The following EFCAB6 variants were observed in gnomAD, a reference collection of about 807,000 sequenced individuals.
The protein encoded by EFCAB6 is EF-hand calcium-binding domain-containing protein 6.
A neutral mutation model predicts 169.8 loss-of-function variants in EFCAB6; 156 were observed. The observed-to-expected ratio is 0.92, with a 90% CI of 0.81 to 1.05. EFCAB6 has a LOEUF of 1.05. EFCAB6 is among the 50% of genes least tolerant of loss of function. The pLI, the probability that EFCAB6 is intolerant of heterozygous loss-of-function variation, is 0.00. For synonymous variants in EFCAB6, 698 were observed against 676.4 expected (o/e 1.03, Z -0.50); for missense variants, 1,800 against 1,829.1 (o/e 0.98, Z 0.29).
At position 43,623,864 on chromosome 22, in the gene EFCAB6, C is replaced by G. The variant is rs1203913765; in HGVS notation, c.2465+2583G>C. Among the ~76,000 whole-genome samples, 6 of 147,566 alleles carry G rather than the reference C, an allele frequency of 4.1e-5. No individual in the cohort carries two copies. In the Middle Eastern group the frequency reaches 0.014, roughly 335 times the overall value. Reference sequence around the variant, plus strand: ...ATGGAGCTTGCAGTGAGCCGAGATTCCGCCACTGTACTCCAGTCTGGGTGA... The same window carrying G: ...ATGGAGCTTGCAGTGAGCCGAGATTGCGCCACTGTACTCCAGTCTGGGTGA... On this transcript the variant is annotated intron_variant, in intron 20 of 31. Coordinates refer to ENST00000262726, the MANE Select transcript of EFCAB6 (RefSeq NM_022785.4).
At chr22:43,686,583 T>G (rs902735561) in intron 11 of EFCAB6, among the ~76,000 whole-genome samples, 7 of 151,894 alleles carry the variant, frequency 4.6e-5, no homozygotes, top group African/African-American at 7.2e-5. Flanking sequence ...CAGAAGTAAC[T>G]TCACATAACG....
intron 17 of EFCAB6, among the ~76,000 whole-genome samples, chr22:43,652,255 A>C (rs1440688381): frequency 6.6e-6 from 1 of 152,174 alleles, no homozygotes; most frequent in African/African-American, 2.4e-5. Flanking sequence ...TGAATAAGTC[A>C]CATGAGATCT....
At chr22:43,590,856 G>T (rs2051455486) in intron 23 of EFCAB6, among the ~76,000 whole-genome samples, 1 of 152,146 alleles carries the variant, frequency 6.6e-6, no homozygotes, top group Non-Finnish European at 1.5e-5. Flanking sequence ...GCTGGGGACT[G>T]GAGAACAGCC....
At chr22:43,776,048 C>T (rs567602802) in intron 3 of EFCAB6, among the ~76,000 whole-genome samples, 2 of 152,332 alleles carry the variant, frequency 1.3e-5, no homozygotes, top group Admixed American at 1.3e-4. Context: ...GGCATTTGCA[C>T]ACAGCAATAG....
intron 5 of EFCAB6, among the ~76,000 whole-genome samples, chr22:43,762,971 AAGAGAGCAC>A (rs1349091429): frequency 1.3e-5 from 2 of 152,242 alleles, no homozygotes; most frequent in Non-Finnish European, 2.9e-5. Context: ...GCACTAACTA[AAGAGAGCAC>A]AGAGAAGTTC....
chr22:43,605,176 T>TCGCTGA (rs1195126190), intron 22 of EFCAB6, among the ~76,000 whole-genome samples: 3 of 152,236 alleles, frequency 2.0e-5, no homozygotes, highest in Non-Finnish European at 4.4e-5. Flanking sequence ...AAATCGGATG[T>TCGCTGA]CGCTGACTCT....
chr22:43,627,636 G>A (rs1009790603), intron 19 of EFCAB6, among the ~76,000 whole-genome samples: 2 of 152,120 alleles, frequency 1.3e-5, no homozygotes, highest in East Asian at 1.9e-4. Flanking sequence ...TGCTTCCCGG[G>A]TCTCAGGCCT....
At chr22:43,591,111 G>GT (rs67053426) in intron 23 of EFCAB6, among the ~76,000 whole-genome samples, 192 of 131,108 alleles carry the variant, frequency 1.5e-3, no homozygotes, top group Middle Eastern at 4.0e-3. Flanking sequence ...TTTGTTTTTT[G>GT]TTTTTTTTTT....
intron 17 of EFCAB6, among the ~76,000 whole-genome samples, chr22:43,659,362 A>G (rs1167965099): frequency 6.6e-6 from 1 of 152,228 alleles, no homozygotes; most frequent in East Asian, 1.9e-4. Flanking sequence ...TTTAAAAAAA[A>G]TCTAATTCAG....
chr22:43,731,624 GAATGATCC>G (rs2059952411), intron 8 of EFCAB6, 67 bp downstream of exon 8: 4 of 812,218 alleles, frequency 4.9e-6, no homozygotes, highest in Middle Eastern at 3.7e-4. Context: ...ATTTCCTCAG[GAATGATCC>G]AAAGAACAGG....
At chr22:43,588,410 T>C (rs1334307764) in intron 24 of EFCAB6, among the ~76,000 whole-genome samples, 1 of 152,098 alleles carries the variant, frequency 6.6e-6, no homozygotes, top group African/African-American at 2.4e-5. Flanking sequence ...AGTAGGATGT[T>C]ATAAAAAAGG....
intron 6 of EFCAB6, among the ~76,000 whole-genome samples, chr22:43,754,812 AAG>A (rs1262280154): frequency 5.9e-5 from 9 of 152,344 alleles, no homozygotes; most frequent in African/African-American, 2.2e-4. Flanking sequence ...ACACAGTTTA[AAG>A]AGTAAGAAGA....
chr22:43,617,290 C>G (rs561796645), intron 20 of EFCAB6, among the ~76,000 whole-genome samples: 42 of 152,300 alleles, frequency 2.8e-4, no homozygotes, highest in African/African-American at 9.9e-4. Flanking sequence ...TCCTAAATTC[C>G]ACCTGCACCA....
chr22:43,739,516 T>C (rs2060291103), intron 6 of EFCAB6, among the ~76,000 whole-genome samples: 1 of 152,104 alleles, frequency 6.6e-6, no homozygotes, highest in Non-Finnish European at 1.5e-5. Context: ...CACTGATGAC[T>C]CCCACATGTC....
chr22:43,701,654 T>A (rs560544561), intron 10 of EFCAB6, among the ~76,000 whole-genome samples: 228 of 151,904 alleles, frequency 1.5e-3, no homozygotes, highest in African/African-American at 5.4e-3. Flanking sequence ...GAAAATAGAT[T>A]ATCTATTTGG....
chr22:43,657,766 A>ATTAC (rs1172332281), intron 17 of EFCAB6, among the ~76,000 whole-genome samples: 7 of 152,222 alleles, frequency 4.6e-5, no homozygotes, highest in Non-Finnish European at 1.0e-4. Flanking sequence ...AATTAATGAA[A>ATTAC]TGTAAAATGC....
intron 22 of EFCAB6, among the ~76,000 whole-genome samples, chr22:43,602,066 C>T (rs935240225): frequency 9.9e-5 from 15 of 152,206 alleles, no homozygotes; most frequent in South Asian, 4.1e-4. Flanking sequence ...ACCAGTTTGC[C>T]GGCTCTTCAC....
intron 2 of EFCAB6, among the ~76,000 whole-genome samples, chr22:43,789,221 T>C (rs1220957193): frequency 6.6e-6 from 1 of 152,126 alleles, no homozygotes; most frequent in Non-Finnish European, 1.5e-5. Flanking sequence ...TTTGTAAATA[T>C]ACTAAAAGAA....
At chr22:43,677,593 C>G (rs933176806) in intron 13 of EFCAB6, among the ~76,000 whole-genome samples, 13 of 152,074 alleles carry the variant, frequency 8.5e-5, no homozygotes, top group Non-Finnish European at 2.9e-5. Flanking sequence ...CTGCAGTGAG[C>G]CGAGATCATG....
Sources: allele counts gnomAD v4.1 joint callset (sites outside exome capture counted in the v4.1 genomes callset), GRCh38; gene constraint gnomAD v4.1.1; transcripts MANE v1.5; gene names NCBI Gene and HGNC (gene_info 2026-07-23, HGNC 2026-07-21).